The following DUOX1 variants were observed in gnomAD, a reference collection of about 807,000 sequenced individuals.
DUOX1 encodes dual oxidase 1.
Under a neutral mutation model 181.8 loss-of-function variants are expected in DUOX1, and 134 were observed. That is an observed-to-expected ratio of 0.74 (90% CI 0.64 to 0.85). The LOEUF (loss-of-function observed/expected upper bound fraction) is 0.85, where lower values mean the gene tolerates loss of function less well. Ranked by LOEUF, DUOX1 falls within the 40% of genes least tolerant of loss-of-function variation. The pLI, the probability that DUOX1 is intolerant of heterozygous loss-of-function variation, is 0.00. For synonymous variants in DUOX1, 798 were observed against 832.5 expected (o/e 0.96, Z 0.71); for missense variants, 1,814 against 2,064.4 (o/e 0.88, Z 2.35).
chr15:45,157,074 G>A (rs908098229), intron 28 of DUOX1, among the ~76,000 whole-genome samples: 2 of 152,124 alleles, frequency 1.3e-5, no homozygotes, highest in Admixed American at 6.5e-5. Flanking sequence ...CCATGGCCTC[G>A]GTCAGGTTGG....
intron 7 of DUOX1, among the ~76,000 whole-genome samples, 178 bp from the exon 8 acceptor site, chr15:45,136,172 C>T (rs1249084477): frequency 1.3e-5 from 2 of 152,188 alleles, no homozygotes; most frequent in African/African-American, 2.4e-5. Flanking sequence ...CCCCCACTCC[C>T]TCAAATCCCC....
At position 45,151,159 on chromosome 15, in the gene DUOX1, C is replaced by T. The variant is rs752609301; in HGVS notation, c.2925C>T (p.Ser975=). The T allele has an allele frequency of 1.1e-5, 18 of 1,614,078 alleles. No individual in the cohort carries two copies. The highest frequency in any genetic ancestry group is 4.4e-5 in the South Asian group (4 of 91,090). ...GAGTGAGTGCCCGCTGTTCCCGCAG[C>T]GACATTGAGACTGAGTTGACACCTC... ...SPRVSARCSR[S]DIETELTPQR... is the part of the protein sequence containing the mutation. The change falls in exon 23 of 34, where the codon AGC becomes AGT. Residue 975 remains serine (S), a synonymous_variant. Coordinates refer to ENST00000389037, the MANE Select transcript of DUOX1 (RefSeq NM_175940.3).
At chr15:45,162,177 G>A (rs1423377509) in intron 30 of DUOX1, 42 bp from the exon 31 acceptor site, 2 of 1,579,208 alleles carry the variant, frequency 1.3e-6, no homozygotes, top group Middle Eastern at 1.7e-4. Context: ...CCGATCTATG[G>A]TGGTGGCCAA....
intron 28 of DUOX1, among the ~76,000 whole-genome samples, chr15:45,160,036 C>T (rs1897059181): frequency 6.6e-6 from 1 of 152,114 alleles, no homozygotes; most frequent in African/African-American, 2.4e-5. Flanking sequence ...CCTGTAATCC[C>T]AGCTACTCGG....
In DUOX1 at chr15:45,144,902, T is replaced by C. The variant is rs1896607887; in HGVS notation, c.2144T>C (p.Leu715Pro). Residue 715 changes from leucine (L) to proline (P), a missense_variant, in exon 18 of 34, where the codon CTG becomes CCG. Physicochemically the swap from Leu to Pro is moderately conservative, Grantham distance 98. Transcript: ENST00000389037. ...CTCGGGCTGCCCCCTTAGGTGCTGC[T>C]GTTTAACTTGGAGGAAGAGCGGCAG... Reference protein sequence around the residue: ...KIPKEYDLVLLFNLEEERQAL... With the variant: ...KIPKEYDLVLPFNLEEERQAL... 6.2e-7 allele frequency: 1 copy of C among 1,609,878 alleles called. No individual in the cohort carries two copies. Among genetic ancestry groups the C allele is most frequent in the African/African-American group, 1.3e-5 (1 of 74,774 alleles).
In DUOX1 at chr15:45,141,030, C is replaced by T. The variant is rs757808802; in HGVS notation, c.1525C>T (p.Arg509Trp). The T allele has an allele frequency of 1.9e-5, 30 of 1,614,184 alleles. No homozygotes were observed. The highest frequency in any genetic ancestry group is 1.6e-4 in the Middle Eastern group (1 of 6,062). Residue 509 changes from arginine (R) to tryptophan (W), a missense_variant, in exon 13 of 34, where the codon CGG becomes TGG. This residue lies in a region of DUOX1 where 1,064 missense variants were observed against 1,152.9 expected (regional missense o/e 0.92). Transcript: ENST00000389037. ...CGTCCTTGAACAATTTGTGCGGCTA[C>T]GGGATGGTGACCGCTACTGGTTTGA... Reference protein sequence around the residue: ...TIVLEQFVRLRDGDRYWFENT... With the variant: ...TIVLEQFVRLWDGDRYWFENT...
intron 12 of DUOX1, chr15:45,139,861 T>G (rs1896447069): frequency 1.7e-6 from 1 of 574,924 alleles, no homozygotes; most frequent in Non-Finnish European, 3.1e-6. Flanking sequence ...TAATAGTCAC[T>G]ATCTTATTTA....
Position 45,134,300 on chromosome 15 carries a change from G to A in DUOX1, c.298G>A (p.Val100Ile). Residue 100 changes from valine to isoleucine, a missense_variant, in exon 4 of 34, where the codon GTC (valine) becomes ATC (isoleucine). Val to Ile is a conservative substitution (Grantham distance 29, BLOSUM62 3). Coordinates refer to ENST00000389037, the MANE Select transcript of DUOX1 (RefSeq NM_175940.3). Reference sequence around the variant, plus strand: ...CCTGAGAAACCGCACAGTGTTGGGGGTCTTCTTTGGTGAGAACTTCAACCT... The same window carrying A: ...CCTGAGAAACCGCACAGTGTTGGGGATCTTCTTTGGTGAGAACTTCAACCT... The part of the protein sequence containing the change: ...ASLRNRTVLG[V>I]FFGYHVLSDL... The A allele has an allele frequency of 1.3e-6, 2 of 1,597,118 alleles. No homozygotes were observed. Among genetic ancestry groups the A allele is most frequent in the South Asian group, 1.1e-5 (1 of 89,012 alleles).
At chr15:45,159,753 C>G (rs1240780477) in intron 28 of DUOX1, among the ~76,000 whole-genome samples, 1 of 152,180 alleles carries the variant, frequency 6.6e-6, no homozygotes, top group Non-Finnish European at 1.5e-5. Context: ...TACTGTGTGC[C>G]TATCATATGC....
chr15:45,134,143 A>G lies in DUOX1; in HGVS notation c.143-2A>G. 1 of 1,550,382 alleles carries G rather than the reference A, an allele frequency of 6.5e-7. No homozygotes were observed. The highest frequency in any genetic ancestry group is 8.7e-7 in the Non-Finnish European group (1 of 1,153,682). On this transcript the variant is annotated splice_acceptor_variant, in intron 3 of 33. Transcript: ENST00000389037. LOFTEE classifies it high-confidence loss of function. ...TCCTTATCCTTACCCCTCCTACCCC[A>G]GGCTCCCGGCTGCAGCGCCTGGTCC...
intron 21 of DUOX1, among the ~76,000 whole-genome samples, chr15:45,149,276 TG>T (rs1246641369): frequency 6.6e-6 from 1 of 152,126 alleles, no homozygotes; most frequent in Admixed American, 6.5e-5. Context: ...GGCTTCCCCC[TG>T]GGGGTAAGGA....
In DUOX1 at chr15:45,148,924, G is replaced by GT. The variant is rs1170469779; in HGVS notation, c.2818+486dup. 2.4e-3 allele frequency among the ~76,000 whole-genome samples: 368 copies of GT among 150,908 alleles called. 3 individuals carry two copies. The highest frequency in any genetic ancestry group is 7.3e-3 in the African/African-American group (300 of 41,150). On this transcript the variant is annotated intron_variant, in intron 21 of 33. Coordinates refer to ENST00000389037, the MANE Select transcript of DUOX1 (RefSeq NM_175940.3). ...TGGGGGTGGGGTGGTATCTCTTGGG[G>GT]TTTTTTTTTGCCACTATATCTCCTG... is the stretch of plus-strand genomic sequence containing the variant.
intron 21 of DUOX1, among the ~76,000 whole-genome samples, chr15:45,149,575 G>A (rs1896753324): frequency 6.6e-6 from 1 of 152,212 alleles, no homozygotes. Context: ...AAGGCCAGGT[G>A]CAATAGCTCA....
intron 33 of DUOX1, among the ~76,000 whole-genome samples, chr15:45,164,529 T>C (rs988392045): frequency 7.3e-5 from 11 of 151,714 alleles, no homozygotes; most frequent in Admixed American, 1.3e-4. Flanking sequence ...AATGCAGTGA[T>C]GCAATACCAG....
chr15:45,164,848 C>T lies in DUOX1; in HGVS notation c.4603C>T (p.Leu1535Phe). 1 of 1,613,938 alleles carries T rather than the reference C, an allele frequency of 6.2e-7. No individual in the cohort carries two copies. The highest frequency in any genetic ancestry group is 8.5e-7 in the Non-Finnish European group (1 of 1,179,796). The change falls in exon 34 of 34, where the codon CTC becomes TTC. Residue 1535 changes from leucine to phenylalanine, a missense_variant. Transcript: ENST00000389037. ...MTKNVEKACQ[L>F]INRQDRTHFS... ...CAAGAATGTGGAAAAGGCCTGTCAG[C>T]TCATCAACAGGCAGGACCGGACTCA...
chr15:45,151,810 G>A, intron 23 of DUOX1, 64 bp from the exon 24 acceptor site: 1 of 1,540,518 alleles, frequency 6.5e-7, no homozygotes, highest in Non-Finnish European at 8.8e-7. Flanking sequence ...CCTCCGTGAA[G>A]TGGGGCCCCA....
rs1896274556 is a variant in DUOX1 at position 45,135,389 on chromosome 15, C to T, written c.496-85C>T. The T allele has an allele frequency of 2.7e-6, 4 of 1,502,746 alleles. No individual in the cohort carries two copies. In the Admixed American group the frequency reaches 9.0e-5, roughly 34 times the overall value. 93.1% of individuals were successfully genotyped at this position (1,502,746 alleles called of 1,614,324 possible). A position where few individuals can be genotyped will look rare whatever the true frequency, so the allele number is the denominator to read the frequency against. ...CCTGGAGGGGAGAGGCGCCCACTCC[C>T]CAGCCGCGGACACCCGCCGGGCCCC... On this transcript the variant is annotated intron_variant, in intron 5 of 33. Coordinates refer to ENST00000389037, the MANE Select transcript of DUOX1 (RefSeq NM_175940.3).
intron 25 of DUOX1, chr15:45,152,807 G>A: frequency 1.9e-6 from 1 of 528,336 alleles, no homozygotes. Context: ...ATGTTTTAAA[G>A]CATGACTCTG....
At chr15:45,131,673 G>T (rs1032704222) in intron 1 of DUOX1, 6 of 442,938 alleles carry the variant, frequency 1.4e-5, no homozygotes, top group Non-Finnish European at 2.5e-5. Flanking sequence ...GTATGTACCA[G>T]GGATTTCTGT....
Sources: gnomAD v4.1 joint callset for allele counts (sites outside exome capture counted in the v4.1 genomes callset) on GRCh38, gnomAD v4.1.1 for gene constraint, gnomAD v4.1.1 regional missense constraint, MANE v1.5 for transcripts, NCBI Gene and HGNC (gene_info 2026-07-23, HGNC 2026-07-21) for gene names.